DYM: variants seen among roughly 807,000 people sequenced by gnomAD.
DYM encodes the protein dymeclin, also known as dyggve-Melchior-Clausen syndrome protein.
DYM carries 78 observed loss-of-function variants against 93.1 expected under a neutral mutation model. That is an observed-to-expected ratio of 0.84 (90% CI 0.70 to 1.01). The LOEUF is 1.01. Ranked by LOEUF, DYM falls within the 50% of genes least tolerant of loss-of-function variation. DYM has a pLI of 0.00. For synonymous variants in DYM, 321 were observed against 319.7 expected, an observed-to-expected ratio of 1.00 and a Z score of -0.04; for missense variants, 789 against 845.0, an observed-to-expected ratio of 0.93 and a Z score of 0.82.
chr18:49,310,916 T>C (rs2061551859), intron 8 of DYM, among the ~76,000 whole-genome samples: 1 of 152,140 alleles, frequency 6.6e-6, no homozygotes, highest in South Asian at 2.1e-4. Flanking sequence ...TGGGTAAAAA[T>C]AATTACATTA....
rs1338072809 is a variant in DYM, at chr18:49,315,228, GAAGA to G, written c.763+16632_763+16635del. Among the ~76,000 whole-genome samples, 6 of 141,090 alleles carry G rather than the reference GAAGA, an allele frequency of 4.3e-5. No homozygotes were observed. In the East Asian group the frequency reaches 8.2e-4, roughly 19 times the overall value. The allele number at this position is 141,090 out of a possible 152,430, so 92.6% of individuals were successfully genotyped here. The stretch of plus-strand genomic sequence containing the variant: ...AGACCCTGTGTTAAAAAAAAAAAAA[GAAGA>G]AAGAAAGATTGCTTATTTCTTTAAC... On this transcript the variant is annotated intron_variant, in intron 8 of 17. Transcript: ENST00000675505.
intron 13 of DYM, among the ~76,000 whole-genome samples, chr18:49,211,982 G>C (rs2092808054): frequency 1.3e-5 from 2 of 152,124 alleles, no homozygotes; most frequent in African/African-American, 4.8e-5. Context: ...TTAAACAAGG[G>C]ATCACAGTTA....
intron 13 of DYM, among the ~76,000 whole-genome samples, chr18:49,230,102 G>T (rs1216590993): frequency 6.6e-6 from 1 of 152,132 alleles, no homozygotes; most frequent in African/African-American, 2.4e-5. Context: ...TTAGGGAGAT[G>T]AACATATTAT....
At chr18:49,360,600 T>G (rs2065936078) in intron 6 of DYM, among the ~76,000 whole-genome samples, 1 of 151,224 alleles carries the variant, frequency 6.6e-6, no homozygotes, top group African/African-American at 2.4e-5. Flanking sequence ...CTAGCCTGGG[T>G]GACAGAGTAA....
chr18:49,428,121 T>C (rs1452915747), intron 2 of DYM, among the ~76,000 whole-genome samples: 1 of 151,830 alleles, frequency 6.6e-6, no homozygotes, highest in Non-Finnish European at 1.5e-5. Context: ...AATGCAAGTA[T>C]TGGTGCATGC....
intron 15 of DYM, among the ~76,000 whole-genome samples, chr18:49,128,997 C>T (rs147154138): frequency 3.9e-5 from 6 of 152,092 alleles, no homozygotes; most frequent in Non-Finnish European, 7.4e-5. Flanking sequence ...TCATGGATTA[C>T]ACATTGACTT....
At chr18:49,170,467 G>T (rs967280704) in intron 14 of DYM, among the ~76,000 whole-genome samples, 3 of 152,070 alleles carry the variant, frequency 2.0e-5, no homozygotes, top group Non-Finnish European at 4.4e-5. Flanking sequence ...GATCACCCAA[G>T]GATATTGTGT....
chr18:49,177,877 TA>T (rs1312969613), intron 14 of DYM, among the ~76,000 whole-genome samples: 2 of 152,244 alleles, frequency 1.3e-5, no homozygotes, highest in East Asian at 3.9e-4. Context: ...TCCTTTTAAA[TA>T]AACTATCTAC....
intron 9 of DYM, 69 bp from the exon 10 acceptor site, chr18:49,282,244 G>A: frequency 7.4e-7 from 1 of 1,351,770 alleles, no homozygotes; most frequent in Non-Finnish European, 1.0e-6. Context: ...TATTGTTAAA[G>A]TAATGTGTAC....
chr18:49,250,060 C>A (rs1267180938), intron 13 of DYM, among the ~76,000 whole-genome samples: 1 of 152,214 alleles, frequency 6.6e-6, no homozygotes. Context: ...TAGTTTCAAG[C>A]GGCAGCAGAC....
intron 16 of DYM, among the ~76,000 whole-genome samples, chr18:49,111,398 C>T (rs1036964092): frequency 6.6e-5 from 10 of 152,158 alleles, no homozygotes; most frequent in African/African-American, 2.2e-4. Flanking sequence ...TCTGTTGCCA[C>T]CATTACATTT....
rs189397242 is a variant in DYM, at chr18:49,151,307, G to A, written c.1728+12378C>T. ...CTTCTCATGAATTTGTCAGAAATCCGTGAAATTTCCAGAAAAACAAGCAGA... is the reference window on the plus strand; with the variant it reads ...CTTCTCATGAATTTGTCAGAAATCCATGAAATTTCCAGAAAAACAAGCAGA... On this transcript the variant is annotated intron_variant, in intron 15 of 17. Transcript: ENST00000675505. Among the ~76,000 whole-genome samples, 278 of 152,200 alleles carry A rather than the reference G, an allele frequency of 1.8e-3. 2 individuals are homozygous for A. Among genetic ancestry groups the A allele is most frequent in the Admixed American group, 7.7e-3 (117 of 15,292 alleles).
At chr18:49,256,936 A>G in intron 13 of DYM, 74 bp downstream of exon 13, 2 of 1,274,920 alleles carry the variant, frequency 1.6e-6, no homozygotes, top group Non-Finnish European at 1.1e-6. Context: ...ACATTTAAAA[A>G]GGAACCACCA....
At chr18:49,069,824 T>G (rs1459272526) in intron 17 of DYM, among the ~76,000 whole-genome samples, 3 of 152,132 alleles carry the variant, frequency 2.0e-5, no homozygotes, top group Non-Finnish European at 2.9e-5. Flanking sequence ...AGGTGGATCA[T>G]GAGGTCAGGA....
intron 1 of DYM, among the ~76,000 whole-genome samples, chr18:49,434,750 G>A (rs1369338576): frequency 6.6e-6 from 1 of 151,860 alleles, no homozygotes; most frequent in Admixed American, 6.6e-5. Flanking sequence ...AGGATCACTT[G>A]AGGACAGGGG....
intron 17 of DYM, among the ~76,000 whole-genome samples, chr18:49,085,919 T>C (rs1194334543): frequency 6.6e-6 from 1 of 152,186 alleles, no homozygotes; most frequent in East Asian, 1.9e-4. Flanking sequence ...GTTCTATTTT[T>C]TTAAGCACCA....
intron 11 of DYM, among the ~76,000 whole-genome samples, chr18:49,264,372 A>G (rs1376573141): frequency 6.6e-6 from 1 of 152,106 alleles, no homozygotes; most frequent in African/African-American, 2.4e-5. Flanking sequence ...GAGGAATTTG[A>G]GAGGACAAAT....
chr18:49,236,131 A>C (rs2093853459), intron 13 of DYM, among the ~76,000 whole-genome samples: 1 of 152,172 alleles, frequency 6.6e-6, no homozygotes, highest in African/African-American at 2.4e-5. Flanking sequence ...AGGACTTCCA[A>C]TTCTCCCTCT....
rs1399682396 is a variant in DYM at position 49,378,680 on chromosome 18, G to A, written c.308C>T (p.Thr103Ile). Reference protein sequence around the residue: ...ECQNHIFIWQTHNALFIICCL... With the variant: ...ECQNHIFIWQIHNALFIICCL... ...GCAAATAATAAACAAAGCATTGTGT[G>A]TCTGCCAAATGAAGATGTGGCTAGA... The change falls in exon 5 of 18, where the codon ACA (threonine) becomes ATA (isoleucine). Residue 103 changes from threonine to isoleucine, a missense_variant. Physicochemically the swap from Thr to Ile is moderately conservative, Grantham distance 89 (BLOSUM62 -1). Around this residue, in one of 3 missense-constraint regions of DYM, gnomAD observed 450 missense variants for 436.2 expected, o/e 1.03. Transcript: ENST00000675505. 1.2e-6 allele frequency: 2 copies of A among 1,613,114 alleles called. No homozygotes were observed. Among genetic ancestry groups the A allele is most frequent in the African/African-American group, 2.7e-5 (2 of 74,896 alleles).
Sources: allele counts gnomAD v4.1 joint callset (sites outside exome capture counted in the v4.1 genomes callset), GRCh38; gene constraint gnomAD v4.1.1; regional missense constraint gnomAD v4.1.1; transcripts MANE v1.5; gene names NCBI Gene and HGNC (gene_info 2026-07-23, HGNC 2026-07-21).